CMIP: variants seen among roughly 807,000 people sequenced by gnomAD.
The protein encoded by CMIP is c-Maf inducing protein.
A neutral mutation model predicts 97.3 loss-of-function variants in CMIP; 13 were observed. The observed-to-expected ratio is 0.13, with a 90% CI of 0.09 to 0.21. The LOEUF is 0.21. Among genes scored for constraint, CMIP ranks in the 10% least tolerant of loss-of-function variants. The pLI is 1.00. For missense variants in CMIP, 847 were observed against 1,024.9 expected, an observed-to-expected ratio of 0.83 and a Z score of 2.37; for synonymous variants, 538 against 436.3, an observed-to-expected ratio of 1.23 and a Z score of -2.91.
Position 81,594,766 on chromosome 16 carries a change from A to T in CMIP, c.301-12801A>T, listed in dbSNP as rs771811913. On this transcript the variant is annotated intron_variant, in intron 1 of 20. Transcript: ENST00000537098. ...GTAGTTGGGACTACAGGCGCCTGTC[A>T]CCACGCCCAGCTAATTTTTTTTTTT... Among the ~76,000 whole-genome samples the T allele has an allele frequency of 2.1e-5, 3 of 144,118 alleles. No individual in the cohort carries two copies. In the South Asian group the frequency reaches 6.7e-4, roughly 32 times the overall value. 94.5% of individuals were successfully genotyped at this position (144,118 alleles called of 152,430 possible). A position where few individuals can be genotyped will look rare whatever the true frequency, so the allele number is the denominator to read the frequency against.
At chr16:81,669,145 A>C (rs1188723400) in intron 7 of CMIP, among the ~76,000 whole-genome samples, 4 of 48,356 alleles carry the variant, frequency 8.3e-5, no homozygotes, top group Non-Finnish European at 8.2e-5. Flanking sequence ...CCCACTTCAT[A>C]CCTCCTTCCA....
In CMIP at chr16:81,672,036, G is replaced by A; in HGVS notation, c.1000G>A (p.Ala334Thr). Residue 334 changes from alanine (A) to threonine (T), a missense_variant, in exon 9 of 21, where the codon GCC (alanine) becomes ACC (threonine). Physicochemically the swap from Ala to Thr is moderately conservative, Grantham distance 58 (BLOSUM62 0). Transcript: ENST00000537098. Reference sequence around the variant, plus strand: ...CAACCTGGTGGCCGTGTGCCTGGCTGCCATCTACTCCTGCTATGAAGAGTT... The same window carrying A: ...CAACCTGGTGGCCGTGTGCCTGGCTACCATCTACTCCTGCTATGAAGAGTT... ...LPNLVAVCLA[A>T]IYSCYEEFIN... 1.9e-6 allele frequency: 3 copies of A among 1,605,702 alleles called. No individual in the cohort carries two copies. The highest frequency in any genetic ancestry group is 2.6e-6 in the Non-Finnish European group (3 of 1,175,618).
At chr16:81,450,407 T>G (rs990357625) in intron 1 of CMIP, among the ~76,000 whole-genome samples, 2 of 152,186 alleles carry the variant, frequency 1.3e-5, no homozygotes, top group African/African-American at 4.8e-5. Flanking sequence ...GGTGCTTTGC[T>G]TTCCCTTGCT....
rs904612100 is a variant in CMIP at position 81,661,080 on chromosome 16, G to C, written c.744+134G>C. The C allele has an allele frequency of 6.6e-6, 7 of 1,055,686 alleles. No individual in the cohort carries two copies. The African/African-American group carries it at 1.1e-4, about 17-fold the overall frequency. The allele number at this position is 1,055,686 out of a possible 1,614,324, so 65.4% of individuals were successfully genotyped here. On this transcript the variant is annotated intron_variant, in intron 6 of 20. Transcript: ENST00000537098. ...TTGGGTCACGGTCCCAGACACAGGC[G>C]GAGAGGGCATGCCCGGCACCCATTC...
chr16:81,523,263 C>T (rs568210678), intron 1 of CMIP, among the ~76,000 whole-genome samples: 2 of 152,240 alleles, frequency 1.3e-5, no homozygotes, highest in Non-Finnish European at 2.9e-5. Context: ...CCTTTTTCCA[C>T]CCTATCCGAC....
chr16:81,591,012 A>G (rs1235600532), intron 1 of CMIP, among the ~76,000 whole-genome samples: 3 of 152,258 alleles, frequency 2.0e-5, no homozygotes, highest in Non-Finnish European at 4.4e-5. Flanking sequence ...CACTGCTGAC[A>G]GTTGTGAGAC....
intron 18 of CMIP, among the ~76,000 whole-genome samples, chr16:81,705,238 C>T (rs1362249770): frequency 6.6e-6 from 1 of 152,202 alleles, no homozygotes; most frequent in African/African-American, 2.4e-5. Context: ...GTTCAAAGCC[C>T]TCCTTCATGG....
chr16:81,549,284 G>T (rs1332624118), intron 1 of CMIP, among the ~76,000 whole-genome samples: 1 of 152,214 alleles, frequency 6.6e-6, no homozygotes, highest in South Asian at 2.1e-4. Flanking sequence ...GATTAACCTG[G>T]TTGAGCTGGT....
rs1256993141 is a variant in CMIP at position 81,709,991 on chromosome 16, C to T, written c.*192C>T. On this transcript the variant is annotated 3_prime_UTR_variant, in exon 21 of 21. Coordinates refer to ENST00000537098, the MANE Select transcript of CMIP (RefSeq NM_198390.3). ...AAGCACGCCCAGCCCCCGCCGAATT[C>T]TTTTAGCTTCGTAATTGGAACCTTT... The T allele has an allele frequency of 9.7e-6, 4 of 412,226 alleles. No homozygotes were observed. The Admixed American group carries it at 1.6e-4, about 17-fold the overall frequency. 25.5% of individuals were successfully genotyped at this position (412,226 alleles called of 1,614,324 possible). A position where few individuals can be genotyped will look rare whatever the true frequency, so the allele number is the denominator to read the frequency against.
intron 1 of CMIP, among the ~76,000 whole-genome samples, chr16:81,508,988 C>T (rs1176554226): frequency 6.6e-6 from 1 of 152,250 alleles, no homozygotes; most frequent in Non-Finnish European, 1.5e-5. Context: ...GGAATGAACT[C>T]TTGAATACAA....
At chr16:81,451,934 G>A (rs552749915) in intron 1 of CMIP, among the ~76,000 whole-genome samples, 3 of 152,350 alleles carry the variant, frequency 2.0e-5, no homozygotes, top group Non-Finnish European at 4.4e-5. Context: ...AACAGGCACC[G>A]AGGGAGACTG....
chr16:81,464,962 A>G (rs1907114049), intron 1 of CMIP: 2 of 152,236 alleles, frequency 1.3e-5, no homozygotes, highest in Admixed American at 1.3e-4. Flanking sequence ...TCTTCGGTCG[A>G]CAGACACTTG....
rs115956668 is a variant in CMIP, at chr16:81,659,493, G to A, written c.682-1391G>A. The stretch of plus-strand genomic sequence containing the variant: ...ATAGATAGGAGAATGTCAGGTAAAC[G>A]GAGCAAGCTGGGGAAGGCAGTTCAG... On this transcript the variant is annotated intron_variant, in intron 5 of 20. Transcript: ENST00000537098. Among the ~76,000 whole-genome samples the A allele has an allele frequency of 3.0e-3, 463 of 152,264 alleles. 1 individual carries two copies. Among genetic ancestry groups the A allele is most frequent in the Middle Eastern group, 0.02 (6 of 294 alleles).
chr16:81,517,013 G>A (rs2089928201), intron 1 of CMIP, among the ~76,000 whole-genome samples: 1 of 148,084 alleles, frequency 6.8e-6, no homozygotes, highest in African/African-American at 2.5e-5. Context: ...AAACCCAGAC[G>A]GCCTCCAAGG....
chr16:81,609,922 T>G (rs1227297703), intron 2 of CMIP, among the ~76,000 whole-genome samples: 1 of 152,072 alleles, frequency 6.6e-6, no homozygotes, highest in Non-Finnish European at 1.5e-5. Context: ...CCAAAGGCAA[T>G]AGGCAGCCAC....
intron 3 of CMIP, among the ~76,000 whole-genome samples, chr16:81,635,587 G>T (rs537120601): frequency 6.6e-6 from 1 of 152,170 alleles, no homozygotes; most frequent in Non-Finnish European, 1.5e-5. Flanking sequence ...TGTCTGTATC[G>T]TGTTGGTGCA....
chr16:81,514,593 G>A (rs569211081), intron 1 of CMIP, among the ~76,000 whole-genome samples: 1 of 152,162 alleles, frequency 6.6e-6, no homozygotes, highest in Non-Finnish European at 1.5e-5. Flanking sequence ...TCTCAGCACC[G>A]CATGGGCACC....
At chr16:81,589,658 G>A (rs2150917274) in intron 1 of CMIP, among the ~76,000 whole-genome samples, 1 of 152,290 alleles carries the variant, frequency 6.6e-6, no homozygotes, top group Middle Eastern at 3.4e-3. Flanking sequence ...CATGGTCTGT[G>A]TCCATAGATG....
At chr16:81,690,962 G>A (rs1372814532) in intron 10 of CMIP, among the ~76,000 whole-genome samples, 1 of 152,012 alleles carries the variant, frequency 6.6e-6, no homozygotes, top group Non-Finnish European at 1.5e-5. Context: ...AGAAAAAAAA[G>A]GGATCCAACA....
Sources: allele counts gnomAD v4.1 joint callset (sites outside exome capture counted in the v4.1 genomes callset), GRCh38; gene constraint gnomAD v4.1.1; transcripts MANE v1.5; gene names NCBI Gene and HGNC (gene_info 2026-07-23, HGNC 2026-07-21).